Variants in DIAPH1 observed in about 807,000 individuals in gnomAD.
DIAPH1 encodes protein diaphanous homolog 1.
A neutral mutation model predicts 140.7 loss-of-function variants in DIAPH1; 46 were observed. The ratio of observed to expected loss-of-function variants is 0.33; its 90% CI spans 0.26 to 0.42. DIAPH1 has a LOEUF of 0.42. Ranked by LOEUF, DIAPH1 falls within the 10% of genes least tolerant of loss-of-function variation. The pLI, the probability that DIAPH1 is intolerant of heterozygous loss-of-function variation, is 1.00. For synonymous variants in DIAPH1, 565 were observed against 551.6 expected, an observed-to-expected ratio of 1.02 and a Z score of -0.34; for missense variants, 1,310 against 1,558.7, an observed-to-expected ratio of 0.84 and a Z score of 2.69.
At chr5:141,530,925 G>A (rs1400035209) in intron 19 of DIAPH1, among the ~76,000 whole-genome samples, 2 of 152,140 alleles carry the variant, frequency 1.3e-5, no homozygotes, top group East Asian at 3.9e-4. Flanking sequence ...AGAAGAGGCA[G>A]CCCCACAGAC....
chr5:141,597,772 C>A (rs144130829), intron 1 of DIAPH1, among the ~76,000 whole-genome samples: 3 of 152,162 alleles, frequency 2.0e-5, no homozygotes, highest in African/African-American at 7.2e-5. Context: ...AGATGGTTGG[C>A]CTGTCTGGAC....
intron 18 of DIAPH1, among the ~76,000 whole-genome samples, chr5:141,556,910 G>T (rs890213681): frequency 6.6e-6 from 1 of 152,172 alleles, no homozygotes; most frequent in Non-Finnish European, 1.5e-5. Flanking sequence ...GGCCAGGCTG[G>T]TCTCAAACTC....
At position 141,573,390 on chromosome 5, in the gene DIAPH1, G is replaced by A. The variant is rs201989666; in HGVS notation, c.2358+102C>T. 3.1e-4 allele frequency: 433 copies of A among 1,385,672 alleles called. No homozygotes were observed. The East Asian group carries it at 7.6e-3, about 24-fold the overall frequency. The allele number at this position is 1,385,672 out of a possible 1,614,324, so 85.8% of individuals were successfully genotyped here. ...GCGGAGCTTGCAGTGAGCCGAGATC[G>A]CACCACTGCACTCCAGCCTGGGCGA... On this transcript the variant is annotated intron_variant, in intron 16 of 27. Coordinates refer to ENST00000389054, the MANE Select transcript of DIAPH1 (RefSeq NM_005219.5).
At position 141,584,960 on chromosome 5, in the gene DIAPH1, GT is replaced by G. The variant is rs796123999; in HGVS notation, c.301-736del. Among the ~76,000 whole-genome samples the G allele has an allele frequency of 9.5e-3, 1,383 of 144,992 alleles. 29 individuals are homozygous for G. Among genetic ancestry groups the G allele is most frequent in the African/African-American group, 0.031 (1,230 of 39,938 alleles). ...GTTTCTGTGACTTAATTCCTGGTGG[GT>G]TTTTTTTTTTTGAGACGGAGTCTCA... On this transcript the variant is annotated intron_variant, in intron 3 of 27. Transcript: ENST00000389054.
rs1562322405 is a variant in DIAPH1, at chr5:141,575,024, C to A, written c.1584G>T (p.Gln528His). The change falls in exon 15 of 28, where the codon CAG (glutamine) becomes CAT (histidine). Residue 528 changes from glutamine to histidine, a missense_variant. Gln to His is a conservative substitution (Grantham distance 24, BLOSUM62 0). Coordinates refer to ENST00000389054, the MANE Select transcript of DIAPH1 (RefSeq NM_005219.5). ...GEKDALHSEK[Q>H]QIATEKQDLE... ...GGTCCTGTTTCTCTGTGGCAATTTG[C>A]TGCTTTTCAGAATGCAGTGCATCTT... 12 of 1,614,176 alleles carry A rather than the reference C, an allele frequency of 7.4e-6. No individual in the cohort carries two copies. The highest frequency in any genetic ancestry group is 1.0e-5 in the Non-Finnish European group (12 of 1,180,044).
At chr5:141,518,856 CA>C (rs1475223077) in intron 27 of DIAPH1, 13 of 1,301,184 alleles carry the variant, frequency 1.0e-5, no homozygotes, top group African/African-American at 1.5e-5. Flanking sequence ...TCTCTCCCTG[CA>C]GAGCCATGAC....
intron 18 of DIAPH1, among the ~76,000 whole-genome samples, chr5:141,545,275 T>C (rs2099890612): frequency 6.6e-6 from 1 of 152,228 alleles, no homozygotes; most frequent in Non-Finnish European, 1.5e-5. Flanking sequence ...TTTTACTATA[T>C]ATAAATTATA....
chr5:141,547,484 A>T (rs1941720126), intron 18 of DIAPH1, among the ~76,000 whole-genome samples: 1 of 152,080 alleles, frequency 6.6e-6, no homozygotes, highest in Admixed American at 6.5e-5. Flanking sequence ...TAAAAATAAA[A>T]AATAAAAATC....
chr5:141,517,449 A>G, intron 27 of DIAPH1, among the ~76,000 whole-genome samples: 1 of 152,206 alleles, frequency 6.6e-6, no homozygotes, highest in Admixed American at 6.5e-5. Flanking sequence ...AACACTTCTC[A>G]GTCAGCCCTG....
At chr5:141,521,625 G>A (rs2099886552) in intron 27 of DIAPH1, among the ~76,000 whole-genome samples, 1 of 152,210 alleles carries the variant, frequency 6.6e-6, no homozygotes, top group African/African-American at 2.4e-5. Context: ...TCTTTGAATA[G>A]GGACAGCTGC....
chr5:141,587,429 A>G, intron 2 of DIAPH1: 2 of 565,182 alleles, frequency 3.5e-6, no homozygotes, highest in Non-Finnish European at 6.3e-6. Flanking sequence ...AAGTATTAAG[A>G]TTTCAAACCT....
intron 15 of DIAPH1, among the ~76,000 whole-genome samples, chr5:141,574,712 A>G (rs1398994624): frequency 6.6e-6 from 1 of 151,948 alleles, no homozygotes; most frequent in Non-Finnish European, 1.5e-5. Context: ...GAGACTTATT[A>G]CTTTTATTTC....
At chr5:141,590,213 A>G (rs1013308782) in intron 1 of DIAPH1, among the ~76,000 whole-genome samples, 1 of 152,236 alleles carries the variant, frequency 6.6e-6, no homozygotes, top group Non-Finnish European at 1.5e-5. Flanking sequence ...CTGTGAATGT[A>G]TACTTTGTCC....
intron 1 of DIAPH1, among the ~76,000 whole-genome samples, chr5:141,611,403 T>G (rs1386434121): frequency 6.6e-6 from 1 of 151,794 alleles, no homozygotes; most frequent in Non-Finnish European, 1.5e-5. Flanking sequence ...GTTAGGAAAA[T>G]GAAAAGACAG....
At chr5:141,602,705 T>C (rs975250105) in intron 1 of DIAPH1, among the ~76,000 whole-genome samples, 25 of 152,214 alleles carry the variant, frequency 1.6e-4, no homozygotes, top group African/African-American at 5.8e-4. Flanking sequence ...TTAAATAATA[T>C]ATGATGGAAC....
At chr5:141,562,605 G>GAAA (rs2099893734) in intron 18 of DIAPH1, among the ~76,000 whole-genome samples, 1 of 103,740 alleles carries the variant, frequency 9.6e-6, no homozygotes, top group Non-Finnish European at 2.1e-5. Context: ...ACTTACCTAT[G>GAAA]CAAAAAAAAA....
intron 4 of DIAPH1, 61 bp from the exon 5 acceptor site, chr5:141,583,676 G>C: frequency 3.1e-6 from 5 of 1,590,976 alleles, no homozygotes; most frequent in Non-Finnish European, 4.3e-6. Context: ...TTAAGGACTA[G>C]TATTAGTCAA....
chr5:141,614,847 T>C (rs182150554), intron 1 of DIAPH1, among the ~76,000 whole-genome samples: 123 of 151,864 alleles, frequency 8.1e-4, no homozygotes, highest in Non-Finnish European at 1.6e-3. Context: ...AAGCGCTCTG[T>C]ATATTTTTCA....
At chr5:141,522,122 G>C (rs2099886645) in intron 27 of DIAPH1, among the ~76,000 whole-genome samples, 1 of 152,036 alleles carries the variant, frequency 6.6e-6, no homozygotes, top group African/African-American at 2.4e-5. Flanking sequence ...AATGCACCAG[G>C]GTCTAAAGAG....
Sources: allele counts gnomAD v4.1 joint callset (sites outside exome capture counted in the v4.1 genomes callset), GRCh38; gene constraint gnomAD v4.1.1; transcripts MANE v1.5; gene names NCBI Gene and HGNC (gene_info 2026-07-23, HGNC 2026-07-21).